PPP1R14C: variants seen among roughly 807,000 people sequenced by gnomAD.
PPP1R14C encodes protein phosphatase 1 regulatory subunit 14C.
A neutral mutation model predicts 20.4 loss-of-function variants in PPP1R14C; 16 were observed. That is an observed-to-expected ratio of 0.78 (90% CI 0.53 to 1.19). The LOEUF (loss-of-function observed/expected upper bound fraction) is 1.19. PPP1R14C is among the 50% of genes most tolerant of loss of function. The pLI is 0.00. For missense variants in PPP1R14C, 211 were observed against 220.1 expected, an observed-to-expected ratio of 0.96 and a Z score of 0.26; for synonymous variants, 91 against 91.0, an observed-to-expected ratio of 1.00 and a Z score of 0.00.
chr6:150,239,094 G>A (rs1468440148), intron 3 of PPP1R14C, among the ~76,000 whole-genome samples: 1 of 152,126 alleles, frequency 6.6e-6, no homozygotes, highest in African/African-American at 2.4e-5. Context: ...TTAGAATATT[G>A]CAAAAGATCA....
intron 1 of PPP1R14C, among the ~76,000 whole-genome samples, chr6:150,160,253 A>ATTTT (rs1562257938): frequency 3.4e-5 from 4 of 117,112 alleles, no homozygotes; most frequent in African/African-American, 1.4e-4. Context: ...TGTGTAGCTC[A>ATTTT]TTCTTTTTTT....
intron 1 of PPP1R14C, among the ~76,000 whole-genome samples, chr6:150,159,296 C>G (rs1777339157): frequency 6.6e-6 from 1 of 152,196 alleles, no homozygotes; most frequent in African/African-American, 2.4e-5. Flanking sequence ...CTTTCTCTTC[C>G]TCTCTTCAGC....
chr6:150,192,844 T>C (rs1365673363), intron 1 of PPP1R14C, among the ~76,000 whole-genome samples: 1 of 152,168 alleles, frequency 6.6e-6, no homozygotes, highest in Non-Finnish European at 1.5e-5. Flanking sequence ...CTTCTTGCCC[T>C]CTCTGTTTCC....
At chr6:150,238,520 G>C (rs1414975056) in intron 3 of PPP1R14C, among the ~76,000 whole-genome samples, 2 of 152,260 alleles carry the variant, frequency 1.3e-5, no homozygotes, top group African/African-American at 2.4e-5. Flanking sequence ...TTGGCTGTGG[G>C]AGGCAGCATG....
At chr6:150,167,964 C>CTCTTTCTCCCCTTCTCTCCTCCCCCTT (rs1777443822) in intron 1 of PPP1R14C, among the ~76,000 whole-genome samples, 2 of 4,448 alleles carry the variant, frequency 4.5e-4, no homozygotes, top group Admixed American at 2.3e-3. Context: ...CTCTCCTCCC[C>CTCTTTCTCCCCTTCTCTCCTCCCCCTT]TCTTTCTCTC....
rs1042077338 is a variant in PPP1R14C at position 150,195,283 on chromosome 6, T to G, written c.307-19461T>G. 1.0e-5 allele frequency: 5 copies of G among 489,582 alleles called. No homozygotes were observed. The African/African-American group carries it at 1.1e-4, about 10-fold the overall frequency. 30.3% of individuals were successfully genotyped at this position (489,582 alleles called of 1,614,324 possible). On this transcript the variant is annotated intron_variant, in intron 1 of 3. Transcript: ENST00000361131. ...TATACATGGGGGCTAAAAAAATAAA[T>G]GAAATGCAGTTCCTGCCCTCAAGGA...
chr6:150,143,612 C>G lies in PPP1R14C; in HGVS notation c.306+114C>G. 1 of 771,608 alleles carries G rather than the reference C, an allele frequency of 1.3e-6. No individual in the cohort carries two copies. The highest frequency in any genetic ancestry group is 1.8e-5 in the South Asian group (1 of 56,334). The allele number at this position is 771,608 out of a possible 1,614,324, so 47.8% of individuals were successfully genotyped here. On this transcript the variant is annotated intron_variant, in intron 1 of 3. Coordinates refer to ENST00000361131, the MANE Select transcript of PPP1R14C (RefSeq NM_030949.3). This position sits in a 1 kb window ranked among gnomAD's most constrained non-coding sequence, Gnocchi z 5.6. ...GCGCATGTCCCTGACTCCCGGGGAC[C>G]AAGTGCCAGGAGCGAGGCGCGGCGC...
chr6:150,216,352 C>T (rs1294460844), intron 2 of PPP1R14C, among the ~76,000 whole-genome samples: 2 of 152,030 alleles, frequency 1.3e-5, no homozygotes, highest in African/African-American at 4.8e-5. Flanking sequence ...AAAAACTAGC[C>T]GGGTGTGGTG....
At chr6:150,224,479 A>G (rs1778206464) in intron 3 of PPP1R14C, among the ~76,000 whole-genome samples, 2 of 152,230 alleles carry the variant, frequency 1.3e-5, no homozygotes. Context: ...CTATCTATGA[A>G]CATAGAATAC....
rs1420389872 is a variant in PPP1R14C, at chr6:150,175,024, A to T, written c.306+31526A>T. On this transcript the variant is annotated intron_variant, in intron 1 of 3. Coordinates refer to ENST00000361131, the MANE Select transcript of PPP1R14C (RefSeq NM_030949.3). ...TCTTTTTTGCTCTCATATTTGAAAC[A>T]TATGATCAATTGGCTTGAACATTGT... Among the ~76,000 whole-genome samples, 6 of 152,268 alleles carry T rather than the reference A, an allele frequency of 3.9e-5. No individual in the cohort carries two copies. In the East Asian group the frequency reaches 1.2e-3, roughly 29 times the overall value.
chr6:150,143,425 G>A lies in PPP1R14C; in HGVS notation c.233G>A (p.Arg78His), dbSNP rs1777146206. The change falls in exon 1 of 4, where the codon CGT (arginine) becomes CAT (histidine). Residue 78 changes from arginine to histidine, a missense_variant. By Grantham distance (29) the Arg-to-His change is conservative. Transcript: ENST00000361131. This position sits in a 1 kb window ranked among gnomAD's most constrained non-coding sequence, Gnocchi z 5.6. ...QQGKVTVKYD[R>H]KELRKRLVLE... Reference sequence around the variant, plus strand: ...GGAAAAGTGACAGTGAAATACGATCGTAAGGAGCTTCGGAAGCGGCTGGTG... The same window carrying A: ...GGAAAAGTGACAGTGAAATACGATCATAAGGAGCTTCGGAAGCGGCTGGTG... The A allele has an allele frequency of 6.2e-7, 1 of 1,612,032 alleles. No individual in the cohort carries two copies. The highest frequency in any genetic ancestry group is 2.2e-5 in the East Asian group (1 of 44,658).
chr6:150,150,034 C>T (rs1159720685), intron 1 of PPP1R14C, among the ~76,000 whole-genome samples: 1 of 152,176 alleles, frequency 6.6e-6, no homozygotes, highest in Non-Finnish European at 1.5e-5. Context: ...TAGCGGGACA[C>T]AATTCTTCAA....
intron 1 of PPP1R14C, among the ~76,000 whole-genome samples, chr6:150,184,060 A>G (rs1251875809): frequency 6.6e-6 from 1 of 152,216 alleles, no homozygotes; most frequent in Non-Finnish European, 1.5e-5. Flanking sequence ...CCGTGAGCTA[A>G]TCAGGCAAGT....
At chr6:150,195,270 C>A (rs1582912450) in intron 1 of PPP1R14C, 1 of 631,702 alleles carries the variant, frequency 1.6e-6, no homozygotes, top group Middle Eastern at 8.2e-4. Context: ...TACATGGGGG[C>A]TAAAAAAATA....
intron 3 of PPP1R14C, among the ~76,000 whole-genome samples, chr6:150,234,544 C>T (rs1437063264): frequency 6.6e-6 from 1 of 152,120 alleles, no homozygotes; most frequent in Admixed American, 6.5e-5. Flanking sequence ...TAGAGTACTA[C>T]TCAGCAATAT....
chr6:150,204,590 C>A (rs185801111), intron 1 of PPP1R14C, among the ~76,000 whole-genome samples: 1 of 152,200 alleles, frequency 6.6e-6, no homozygotes, highest in Non-Finnish European at 1.5e-5. Flanking sequence ...GTTTGCACAA[C>A]GTGCGTGGGC....
At chr6:150,159,229 T>C (rs1228370466) in intron 1 of PPP1R14C, among the ~76,000 whole-genome samples, 1 of 152,230 alleles carries the variant, frequency 6.6e-6, no homozygotes, top group Non-Finnish European at 1.5e-5. Context: ...GTTTAGGATA[T>C]GTAAATTATA....
chr6:150,184,209 G>A (rs9397191), intron 1 of PPP1R14C, among the ~76,000 whole-genome samples: 3,564 of 152,310 alleles, frequency 0.023, 92 homozygotes, highest in East Asian at 0.089. Context: ...GAGCATAGGA[G>A]GGACTCAGCC....
chr6:150,194,543 G>A lies in PPP1R14C; in HGVS notation c.307-20201G>A, dbSNP rs556867174. On this transcript the variant is annotated intron_variant, in intron 1 of 3. Transcript: ENST00000361131. ...TCATGCTTTTCCATTAATTAAAGGA[G>A]TAGCTCTTTGATTATCTACCAGTAG... 35 of 970,126 alleles carry A rather than the reference G, an allele frequency of 3.6e-5. No individual in the cohort carries two copies. In the South Asian group the frequency reaches 1.4e-3, roughly 38 times the overall value. 60.1% of individuals were successfully genotyped at this position (970,126 alleles called of 1,614,324 possible).
Sources: allele counts gnomAD v4.1 joint callset (sites outside exome capture counted in the v4.1 genomes callset), GRCh38; gene constraint gnomAD v4.1.1; non-coding constraint Gnocchi (gnomAD v3.1); transcripts MANE v1.5; gene names NCBI Gene and HGNC (gene_info 2026-07-23, HGNC 2026-07-21).